DDAH2: variants seen among roughly 807,000 people sequenced by gnomAD.
DDAH2 encodes the protein putative hydrolase DDAH2.
A neutral mutation model predicts 24.8 loss-of-function variants in DDAH2; 8 were observed. That is an observed-to-expected ratio of 0.32 (90% CI 0.19 to 0.58). The LOEUF (loss-of-function observed/expected upper bound fraction) is 0.58. Ranked by LOEUF, DDAH2 falls within the 20% of genes least tolerant of loss-of-function variation. DDAH2 has a pLI of 0.87. For missense variants in DDAH2, 281 were observed against 379.0 expected (o/e 0.74, Z 2.15); for synonymous variants, 151 against 166.1 (o/e 0.91, Z 0.70).
At chr6:31,729,356 C>G, upstream of DDAH2, 1 of 597,522 alleles carries the variant, frequency 1.7e-6, no homozygotes, top group Non-Finnish European at 3.0e-6. This position sits in a 1 kb window ranked among gnomAD's most constrained non-coding sequence, Gnocchi z 6.7. Flanking sequence ...CCCACCCACT[C>G]CAGACCTTCC....
At chr6:31,729,384 T>C, upstream of DDAH2, 1 of 585,472 alleles carries the variant, frequency 1.7e-6, no homozygotes, top group Non-Finnish European at 3.0e-6. This position sits in a 1 kb window ranked among gnomAD's most constrained non-coding sequence, Gnocchi z 6.7. Flanking sequence ...TCGACCTCAC[T>C]CTACCCAGCA....
In DDAH2 at chr6:31,728,944, G is replaced by T; in HGVS notation, c.218C>A (p.Pro73Gln). Residue 73 changes from proline to glutamine, a missense_variant, in exon 1 of 6, where the codon CCG becomes CAG. Coordinates refer to ENST00000375789, the MANE Select transcript of DDAH2 (RefSeq NM_001303007.2). This position sits in a 1 kb window ranked among gnomAD's most constrained non-coding sequence, Gnocchi z 9.8. ...LPPEESLPLG[P>Q]LLGDTAVIQG... Reference sequence around the variant, plus strand: ...GATCACGGCCGTGTCGCCAAGCAGCGGTCCCAGCGGCAATGACTCCTCAGG... The same window carrying T: ...GATCACGGCCGTGTCGCCAAGCAGCTGTCCCAGCGGCAATGACTCCTCAGG... 1.2e-6 allele frequency: 2 copies of T among 1,613,110 alleles called. No individual in the cohort carries two copies. The highest frequency in any genetic ancestry group is 1.7e-6 in the Non-Finnish European group (2 of 1,180,034).
In DDAH2 at chr6:31,728,119, G is replaced by C. The variant is rs1019391562; in HGVS notation, c.591+54C>G. ...TAATTTCCTAAGCCTCCCAGCTCCCGGCCTCCCGGGCCCAGAACTGCGCCC... is the reference window on the plus strand; with the variant it reads ...TAATTTCCTAAGCCTCCCAGCTCCCCGCCTCCCGGGCCCAGAACTGCGCCC... On this transcript the variant is annotated intron_variant, in intron 4 of 5. Transcript: ENST00000375789. The surrounding 1 kb of genome is among the most constrained non-coding windows in gnomAD (Gnocchi z 9.8). The C allele has an allele frequency of 1.9e-6, 3 of 1,596,036 alleles. No individual in the cohort carries two copies. Among genetic ancestry groups the C allele is most frequent in the South Asian group, 1.1e-5 (1 of 90,136 alleles).
Position 31,728,635 on chromosome 6 carries a change from C to A in DDAH2, c.397+11G>T, listed in dbSNP as rs775981641. 1 of 1,612,710 alleles carries A rather than the reference C, an allele frequency of 6.2e-7. No homozygotes were observed. The highest frequency in any genetic ancestry group is 1.7e-5 in the Admixed American group (1 of 59,980). ...CCCTGTGCCAAGACCTATGCCTCCCCCCAGCCTCACCGGTGAAGAGAACGT... is the reference window on the plus strand; with the variant it reads ...CCCTGTGCCAAGACCTATGCCTCCCACCAGCCTCACCGGTGAAGAGAACGT... On this transcript the variant is annotated intron_variant, in intron 2 of 5. Transcript: ENST00000375789. The surrounding 1 kb of genome is among the most constrained non-coding windows in gnomAD (Gnocchi z 9.8).
Position 31,728,246 on chromosome 6 carries a change from C to T in DDAH2, c.518G>A (p.Arg173His), listed in dbSNP as rs761335515. 74 of 1,612,486 alleles carry T rather than the reference C, an allele frequency of 4.6e-5. No individual in the cohort carries two copies. Among genetic ancestry groups the T allele is most frequent in the Non-Finnish European group, 5.9e-5 (70 of 1,179,800 alleles). ...TVPVSGPSHL[R>H]GLCGMGGPRT... ...AGGTCCCCCCATGCCGCAGAGACCG[C>T]GCAGGTGGGAGGGACCCGAGACTGG... The change falls in exon 4 of 6, where the codon CGC (arginine) becomes CAC (histidine). Residue 173 changes from arginine to histidine, a missense_variant. Coordinates refer to ENST00000375789, the MANE Select transcript of DDAH2 (RefSeq NM_001303007.2). The surrounding 1 kb of genome is among the most constrained non-coding windows in gnomAD (Gnocchi z 9.8).
At position 31,728,577 on chromosome 6, in the gene DDAH2, G is replaced by T. The variant is rs1352431216; in HGVS notation, c.398-53C>A. ...AGGGCGGGAGTGAGTTAGAAACAAGGCTCCAGACGGCCGAGTCTCCCAAAC... is the reference window on the plus strand; with the variant it reads ...AGGGCGGGAGTGAGTTAGAAACAAGTCTCCAGACGGCCGAGTCTCCCAAAC... On this transcript the variant is annotated intron_variant, in intron 2 of 5. Transcript: ENST00000375789. The surrounding 1 kb of genome is among the most constrained non-coding windows in gnomAD (Gnocchi z 9.8). 3.1e-6 allele frequency: 5 copies of T among 1,611,142 alleles called. No homozygotes were observed. Among genetic ancestry groups the T allele is most frequent in the Non-Finnish European group, 4.2e-6 (5 of 1,178,668 alleles).
rs1807536639 is a variant in DDAH2 at position 31,728,224 on chromosome 6, T to TC, written c.539dup (p.Pro181ThrfsTer35). On this transcript the variant is annotated frameshift_variant, in exon 4 of 6. Coordinates refer to ENST00000375789, the MANE Select transcript of DDAH2 (RefSeq NM_001303007.2). LOFTEE classifies it high-confidence loss of function. The surrounding 1 kb of genome is among the most constrained non-coding windows in gnomAD (Gnocchi z 9.8). ...TGCTGCCTGCCACAACAGTGCGAGG[T>TC]CCCCCCATGCCGCAGAGACCGCGCA... 8 of 1,611,936 alleles carry TC rather than the reference T, an allele frequency of 5.0e-6. No homozygotes were observed. Among genetic ancestry groups the TC allele is most frequent in the South Asian group, 1.1e-5 (1 of 90,992 alleles).
chr6:31,729,334 C>T, upstream of DDAH2: 1 of 616,440 alleles, frequency 1.6e-6, no homozygotes, highest in Non-Finnish European at 2.8e-6. This position sits in a 1 kb window ranked among gnomAD's most constrained non-coding sequence, Gnocchi z 6.7. Flanking sequence ...CTAGGCGTCC[C>T]TCCCACTCCG....
chr6:31,728,772 G>A lies in DDAH2; in HGVS notation c.298-27C>T, dbSNP rs1807603152. On this transcript the variant is annotated intron_variant, in intron 1 of 5. Coordinates refer to ENST00000375789, the MANE Select transcript of DDAH2 (RefSeq NM_001303007.2). The surrounding 1 kb of genome is among the most constrained non-coding windows in gnomAD (Gnocchi z 9.8). ...TTAGGATAGGAGAAGAGGGCACGGA[G>A]CTGTGACACCCCCATCCTCAATTCT... 1.9e-6 allele frequency: 3 copies of A among 1,612,182 alleles called. 1 individual carries two copies. The Middle Eastern group carries it at 5.0e-4, about 266-fold the overall frequency.
At position 31,728,944 on chromosome 6, in the gene DDAH2, G is replaced by A. The variant is rs1402850334; in HGVS notation, c.218C>T (p.Pro73Leu). ...GATCACGGCCGTGTCGCCAAGCAGC[G>A]GTCCCAGCGGCAATGACTCCTCAGG... ...LPPEESLPLG[P>L]LLGDTAVIQG... The change falls in exon 1 of 6, where the codon CCG becomes CTG. Residue 73 changes from proline (P) to leucine (L), a missense_variant. Coordinates refer to ENST00000375789, the MANE Select transcript of DDAH2 (RefSeq NM_001303007.2). This position sits in a 1 kb window ranked among gnomAD's most constrained non-coding sequence, Gnocchi z 9.8. 9 of 1,612,992 alleles carry A rather than the reference G, an allele frequency of 5.6e-6. No individual in the cohort carries two copies. The highest frequency in any genetic ancestry group is 3.3e-4 in the Middle Eastern group (2 of 6,084).
upstream of DDAH2, chr6:31,729,398 T>G: frequency 1.8e-6 from 1 of 562,600 alleles, no homozygotes; most frequent in Non-Finnish European, 3.1e-6. This position sits in a 1 kb window ranked among gnomAD's most constrained non-coding sequence, Gnocchi z 6.7. Context: ...CCCAGCACCC[T>G]CAGGGGTCAG....
chr6:31,728,815 T>A lies in DDAH2; in HGVS notation c.297+50A>T. ...TCAATTCTTCCCCAAAGCCCCGACA[T>A]CCAGTTCCTTCTGCCTTTCCCCATA... On this transcript the variant is annotated intron_variant, in intron 1 of 5. Coordinates refer to ENST00000375789, the MANE Select transcript of DDAH2 (RefSeq NM_001303007.2). The surrounding 1 kb of genome is among the most constrained non-coding windows in gnomAD (Gnocchi z 9.8). The A allele has an allele frequency of 6.2e-7, 1 of 1,610,924 alleles. No homozygotes were observed. The highest frequency in any genetic ancestry group is 8.5e-7 in the Non-Finnish European group (1 of 1,178,984).
rs1365061273 is a variant in DDAH2, at chr6:31,727,949, G to A, written c.591+224C>T. Among the ~76,000 whole-genome samples the A allele has an allele frequency of 6.6e-6, 1 of 152,146 alleles. No homozygotes were observed. The highest frequency in any genetic ancestry group is 1.5e-5 in the Non-Finnish European group (1 of 68,028). ...TGTCCTACCCATCCTTAGAGTCACAGTTTAGGTGCCACCTTTGGGGTTTCC... is the reference window on the plus strand; with the variant it reads ...TGTCCTACCCATCCTTAGAGTCACAATTTAGGTGCCACCTTTGGGGTTTCC... On this transcript the variant is annotated intron_variant, in intron 4 of 5. Transcript: ENST00000375789. This position sits in a 1 kb window ranked among gnomAD's most constrained non-coding sequence, Gnocchi z 6.0.
Position 31,728,028 on chromosome 6 carries a change from A to C in DDAH2, c.591+145T>G. ...CCCTGTTCCCAGTCCTGCTGTTGTA[A>C]CTTCTTATTTTCTCCTGTGTTCTTT... On this transcript the variant is annotated intron_variant, in intron 4 of 5. Coordinates refer to ENST00000375789, the MANE Select transcript of DDAH2 (RefSeq NM_001303007.2). This position sits in a 1 kb window ranked among gnomAD's most constrained non-coding sequence, Gnocchi z 9.8. 9.4e-7 allele frequency: 1 copy of C among 1,069,214 alleles called. No individual in the cohort carries two copies. The highest frequency in any genetic ancestry group is 1.3e-6 in the Non-Finnish European group (1 of 751,788). 66.2% of individuals were successfully genotyped at this position (1,069,214 alleles called of 1,614,324 possible). A position where few individuals can be genotyped will look rare whatever the true frequency, so the allele number is the denominator to read the frequency against.
In DDAH2 at chr6:31,728,818, A is replaced by G. The variant is rs1221419951; in HGVS notation, c.297+47T>C. 4 of 1,610,920 alleles carry G rather than the reference A, an allele frequency of 2.5e-6. No homozygotes were observed. Among genetic ancestry groups the G allele is most frequent in the Non-Finnish European group, 3.4e-6 (4 of 1,178,964 alleles). On this transcript the variant is annotated intron_variant, in intron 1 of 5. Coordinates refer to ENST00000375789, the MANE Select transcript of DDAH2 (RefSeq NM_001303007.2). This position sits in a 1 kb window ranked among gnomAD's most constrained non-coding sequence, Gnocchi z 9.8. ...ATTCTTCCCCAAAGCCCCGACATCC[A>G]GTTCCTTCTGCCTTTCCCCATACCA...
Position 31,728,636 on chromosome 6 carries a change from C to A in DDAH2, c.397+10G>T. 2 of 1,612,870 alleles carry A rather than the reference C, an allele frequency of 1.2e-6. No homozygotes were observed. The highest frequency in any genetic ancestry group is 1.7e-6 in the Non-Finnish European group (2 of 1,179,906). On this transcript the variant is annotated intron_variant, in intron 2 of 5. Transcript: ENST00000375789. This position sits in a 1 kb window ranked among gnomAD's most constrained non-coding sequence, Gnocchi z 9.8. Reference sequence around the variant, plus strand: ...CCTGTGCCAAGACCTATGCCTCCCCCCAGCCTCACCGGTGAAGAGAACGTC... The same window carrying A: ...CCTGTGCCAAGACCTATGCCTCCCCACAGCCTCACCGGTGAAGAGAACGTC...
chr6:31,729,579 TCGCTAC>T (rs1193268812), upstream of DDAH2: 2 of 207,854 alleles, frequency 9.6e-6, no homozygotes, highest in Non-Finnish European at 2.0e-5. This position sits in a 1 kb window ranked among gnomAD's most constrained non-coding sequence, Gnocchi z 6.7. Context: ...CCTCAGCTGC[TCGCTAC>T]CGCAGGGACT....
At position 31,727,677 on chromosome 6, in the gene DDAH2, T is replaced by C. The variant is rs773811465; in HGVS notation, c.607A>G (p.Thr203Ala). Residue 203 changes from threonine to alanine, a missense_variant, in exon 5 of 6, where the codon ACA becomes GCA. By Grantham distance (58) the Thr-to-Ala change is moderately conservative. Coordinates refer to ENST00000375789, the MANE Select transcript of DDAH2 (RefSeq NM_001303007.2). This position sits in a 1 kb window ranked among gnomAD's most constrained non-coding sequence, Gnocchi z 6.0. ...QKAVRAMAVL[T>A]DHPYASLTLP... ...GTCAGGGAGGCATATGGGTGATCTGTCAGCACTGCCATTGCCTAGAGGAAA... is the reference window on the plus strand; with the variant it reads ...GTCAGGGAGGCATATGGGTGATCTGCCAGCACTGCCATTGCCTAGAGGAAA... 36 of 1,606,686 alleles carry C rather than the reference T, an allele frequency of 2.2e-5. No homozygotes were observed. The highest frequency in any genetic ancestry group is 3.1e-5 in the Non-Finnish European group (36 of 1,176,642).
At position 31,728,603 on chromosome 6, in the gene DDAH2, T is replaced by TC; in HGVS notation, c.397+42dup. Reference sequence around the variant, plus strand: ...CTCCAGACGGCCGAGTCTCCCAAACTCTACTTCCCTGTGCCAAGACCTATG... The same window carrying TC: ...CTCCAGACGGCCGAGTCTCCCAAACTCCTACTTCCCTGTGCCAAGACCTATG... On this transcript the variant is annotated intron_variant, in intron 2 of 5. Transcript: ENST00000375789. The surrounding 1 kb of genome is among the most constrained non-coding windows in gnomAD (Gnocchi z 9.8). The TC allele has an allele frequency of 6.2e-7, 1 of 1,611,782 alleles. No homozygotes were observed. The highest frequency in any genetic ancestry group is 8.5e-7 in the Non-Finnish European group (1 of 1,179,164).
Sources: allele counts gnomAD v4.1 joint callset (sites outside exome capture counted in the v4.1 genomes callset), GRCh38; gene constraint gnomAD v4.1.1; non-coding constraint Gnocchi (gnomAD v3.1); transcripts MANE v1.5; gene names NCBI Gene and HGNC (gene_info 2026-07-23, HGNC 2026-07-21).